SLC28A3: variants seen among roughly 807,000 people sequenced by gnomAD.
SLC28A3 encodes the protein concentrative Na(+)-nucleoside cotransporter 3.
SLC28A3 carries 68 observed loss-of-function variants against 84.2 expected under a neutral mutation model. That is an observed-to-expected ratio of 0.81 (90% CI 0.66 to 0.99). The LOEUF is 0.99. Ranked by LOEUF, SLC28A3 falls within the 50% of genes least tolerant of loss-of-function variation. The probability of loss-of-function intolerance (pLI) is 0.00; values close to 1 mark genes in which losing one functional copy is unlikely to be tolerated. For synonymous variants in SLC28A3, 267 were observed against 303.6 expected (o/e 0.88, Z 1.25); for missense variants, 712 against 841.5 (o/e 0.85, Z 1.90).
At chr9:84,311,114 C>A (rs1399975885) in intron 2 of SLC28A3, among the ~76,000 whole-genome samples, 3 of 152,122 alleles carry the variant, frequency 2.0e-5, no homozygotes, top group Non-Finnish European at 4.4e-5. Context: ...TTCCTCACAC[C>A]CTGCCCACTT....
At chr9:84,313,861 T>A (rs1826073377) in intron 1 of SLC28A3, among the ~76,000 whole-genome samples, 1 of 137,874 alleles carries the variant, frequency 7.3e-6, no homozygotes. Context: ...ACAGCAAGAC[T>A]CTACCTGAAA....
At chr9:84,292,873 T>C (rs1825294215) in intron 9 of SLC28A3, 125 bp from the exon 10 acceptor site, 1 of 618,512 alleles carries the variant, frequency 1.6e-6, no homozygotes, top group Non-Finnish European at 2.7e-6. Context: ...AGCAAGCTAA[T>C]GATGGAGCTA....
chr9:84,367,971 G>A, the SLC28A3 span, among the ~76,000 whole-genome samples: 5 of 152,032 alleles, frequency 3.3e-5, no homozygotes, highest in African/African-American at 4.8e-5. Context: ...TATCTCAACC[G>A]CAAAGAGGCC....
At chr9:84,305,980 G>A (rs564555115) in intron 3 of SLC28A3, among the ~76,000 whole-genome samples, 1 of 152,308 alleles carries the variant, frequency 6.6e-6, no homozygotes, top group South Asian at 2.1e-4. Flanking sequence ...GTTATGGGCT[G>A]GGTGGGTAGT....
intron 6 of SLC28A3, 93 bp from the exon 7 acceptor site, chr9:84,298,112 C>G: frequency 9.6e-7 from 1 of 1,043,498 alleles, no homozygotes; most frequent in South Asian, 1.4e-5. Flanking sequence ...CTTGAACACA[C>G]TATCAGATGT....
chr9:84,343,420 T>C (rs1827202412), upstream of SLC28A3, among the ~76,000 whole-genome samples: 1 of 152,144 alleles, frequency 6.6e-6, no homozygotes, highest in South Asian at 2.1e-4. Context: ...GGGAGTTATT[T>C]TTCTTTTCTT....
rs1825161219 is a variant in SLC28A3 at position 84,290,252 on chromosome 9, A to G, written c.1051T>C (p.Tyr351His). ...TCAGACTTGGTGATGTAAGGTAAAT[A>G]TGGTCGGACCAGCAGTGGAGACTCC... ...QTESPLLVRP[Y>H]LPYITKSELH... Residue 351 changes from tyrosine to histidine, a missense_variant, in exon 11 of 18, where the codon TAT becomes CAT. By Grantham distance (83) the Tyr-to-His change is moderately conservative. Coordinates refer to ENST00000376238, the MANE Select transcript of SLC28A3 (RefSeq NM_001199633.2). The G allele has an allele frequency of 1.2e-6, 2 of 1,614,022 alleles. No homozygotes were observed. The highest frequency in any genetic ancestry group is 1.7e-6 in the Non-Finnish European group (2 of 1,179,924).
Position 84,279,180 on chromosome 9 carries a change from A to T in SLC28A3, c.1949+85T>A, listed in dbSNP as rs890989002. 40 of 1,303,412 alleles carry T rather than the reference A, an allele frequency of 3.1e-5. 1 individual carries two copies. Among genetic ancestry groups the T allele is most frequent in the Non-Finnish European group, 3.8e-5 (38 of 1,011,486 alleles). The allele number at this position is 1,303,412 out of a possible 1,614,324, so 80.7% of individuals were successfully genotyped here. ...AGAGCAAGACTCCGTCTCAAAAAAA[A>T]AAAAAAAAAAGTAAGTGGATATTTA... On this transcript the variant is annotated intron_variant, in intron 17 of 17. Coordinates refer to ENST00000376238, the MANE Select transcript of SLC28A3 (RefSeq NM_001199633.2).
chr9:84,349,364 G>C, the SLC28A3 span, among the ~76,000 whole-genome samples: 1 of 152,196 alleles, frequency 6.6e-6, no homozygotes. Context: ...AGCCTCCTGA[G>C]TAGCTGGGAT....
intron 1 of SLC28A3, among the ~76,000 whole-genome samples, chr9:84,323,688 G>T (rs1461262206): frequency 6.6e-6 from 1 of 152,058 alleles, no homozygotes; most frequent in African/African-American, 2.4e-5. Context: ...CTCCCAAAGT[G>T]CTGGGATTAC....
chr9:84,353,915 G>A, the SLC28A3 span, among the ~76,000 whole-genome samples: 2 of 152,054 alleles, frequency 1.3e-5, no homozygotes, highest in Non-Finnish European at 2.9e-5. Flanking sequence ...ATCATTCCAG[G>A]TAAATCCCAT....
chr9:84,326,021 A>T (rs1826535789), intron 1 of SLC28A3, among the ~76,000 whole-genome samples: 1 of 152,210 alleles, frequency 6.6e-6, no homozygotes, highest in South Asian at 2.1e-4. Flanking sequence ...CAGCTATCAA[A>T]GATCCAGAAT....
chr9:84,310,457 T>G (rs1176178199), intron 2 of SLC28A3: 29 of 985,340 alleles, frequency 2.9e-5, no homozygotes, highest in Non-Finnish European at 3.1e-5. Flanking sequence ...GCCTGGCTCT[T>G]GTAACCAATG....
rs374660331 is a variant in SLC28A3 at position 84,316,056 on chromosome 9, A to G, written c.61-2602T>C. On this transcript the variant is annotated intron_variant, in intron 1 of 17. Transcript: ENST00000376238. ...GGTGTGCTAAAAGATGAGGGTCCTG[A>G]TTGAGCCCCCTTTGAAGGGACAGCC... Among the ~76,000 whole-genome samples, 157 of 151,542 alleles carry G rather than the reference A, an allele frequency of 1.0e-3. 4 individuals are homozygous for G. The South Asian group carries it at 0.032, about 31-fold the overall frequency.
At chr9:84,361,985 G>A in the SLC28A3 span, among the ~76,000 whole-genome samples, 1 of 151,810 alleles carries the variant, frequency 6.6e-6, no homozygotes, top group African/African-American at 2.4e-5. Context: ...GAGGTTTGCT[G>A]AGGAAATGCA....
At chr9:84,356,064 C>T in the SLC28A3 span, among the ~76,000 whole-genome samples, 1 of 152,166 alleles carries the variant, frequency 6.6e-6, no homozygotes, top group Admixed American at 6.5e-5. Flanking sequence ...AGCAATCCGA[C>T]TGCCTCAGCC....
At chr9:84,318,348 T>C (rs1262643282) in intron 1 of SLC28A3, among the ~76,000 whole-genome samples, 1 of 122,230 alleles carries the variant, frequency 8.2e-6, no homozygotes, top group Non-Finnish European at 1.7e-5. Flanking sequence ...GTCAAGTCTC[T>C]GTATGCTGCT....
At chr9:84,341,025 G>C (rs984006730), upstream of SLC28A3, among the ~76,000 whole-genome samples, 4 of 149,008 alleles carry the variant, frequency 2.7e-5, no homozygotes, top group Non-Finnish European at 5.9e-5. Context: ...AAAGGCTGGA[G>C]TGCAGTGACG....
chr9:84,335,949 C>T (rs958805562), intron 1 of SLC28A3, among the ~76,000 whole-genome samples: 11 of 152,044 alleles, frequency 7.2e-5, no homozygotes, highest in Non-Finnish European at 7.4e-5. Flanking sequence ...CCAGTGTCTG[C>T]ATCCACTGCC....
Sources: gnomAD v4.1 joint callset for allele counts (sites outside exome capture counted in the v4.1 genomes callset) on GRCh38, gnomAD v4.1.1 for gene constraint, MANE v1.5 for transcripts, NCBI Gene and HGNC (gene_info 2026-07-23, HGNC 2026-07-21) for gene names.